Variants in TMEM132B observed in about 807,000 individuals in gnomAD.
TMEM132B encodes the protein transmembrane protein 132B.
In TMEM132B, 18 loss-of-function variants were observed where a neutral mutation model predicts 90.8. That is an observed-to-expected ratio of 0.20 (90% CI 0.14 to 0.29). TMEM132B has a LOEUF of 0.29. Ranked by LOEUF, TMEM132B falls within the 10% of genes least tolerant of loss-of-function variation. The pLI is 1.00. For missense variants in TMEM132B, 1,096 were observed against 1,326.8 expected, an observed-to-expected ratio of 0.83 and a Z score of 2.70; for synonymous variants, 504 against 523.3, an observed-to-expected ratio of 0.96 and a Z score of 0.50.
chr12:125,290,328 A>G (rs1040639480), intron 1 of TMEM132B, among the ~76,000 whole-genome samples: 3 of 152,212 alleles, frequency 2.0e-5, no homozygotes, highest in South Asian at 2.1e-4. Context: ...GCAAAGAGGC[A>G]CAGAGAATAT....
intron 1 of TMEM132B, among the ~76,000 whole-genome samples, chr12:125,268,119 G>A (rs1874739930): frequency 6.6e-6 from 1 of 152,194 alleles, no homozygotes; most frequent in Non-Finnish European, 1.5e-5. Context: ...AATAAAGGCT[G>A]CTATGCCAAA....
chr12:125,222,211 C>T (rs1258099382), intron 1 of TMEM132B, among the ~76,000 whole-genome samples: 1 of 152,110 alleles, frequency 6.6e-6, no homozygotes, highest in African/African-American at 2.4e-5. Flanking sequence ...GTTTCTCTGC[C>T]TTATTTGCTA....
intron 1 of TMEM132B, among the ~76,000 whole-genome samples, chr12:125,192,205 T>G (rs1420909979): frequency 6.6e-6 from 1 of 152,226 alleles, no homozygotes; most frequent in Admixed American, 6.5e-5. Context: ...TTGTCCCATT[T>G]TACAGATACG....
At chr12:125,320,602 T>C (rs326387) in intron 1 of TMEM132B, among the ~76,000 whole-genome samples, 111,970 of 152,070 alleles carry the variant, frequency 0.74, 42,236 homozygotes, top group African/African-American at 0.89. Flanking sequence ...CTCAGGCCTG[T>C]TTCCATTCCT....
At chr12:125,562,381 T>G (rs1467264221) in intron 4 of TMEM132B, among the ~76,000 whole-genome samples, 3 of 152,256 alleles carry the variant, frequency 2.0e-5, no homozygotes, top group Non-Finnish European at 4.4e-5. Context: ...TTACCATTTG[T>G]GTGTATACTG....
intron 1 of TMEM132B, among the ~76,000 whole-genome samples, chr12:125,293,742 A>G (rs945558628): frequency 6.6e-6 from 1 of 152,192 alleles, no homozygotes. Flanking sequence ...TATTGTGAAT[A>G]GTGCTTATTG....
rs188880303 is a variant in TMEM132B at position 125,451,714 on chromosome 12, C to T, written c.1106+36037C>T. On this transcript the variant is annotated intron_variant, in intron 3 of 8. Transcript: ENST00000682704. ...GTATTTTTCATTATGTGTCAGACATCGTGTTTTCAGAAATGTTTGTGGAAA... is the reference window on the plus strand; with the variant it reads ...GTATTTTTCATTATGTGTCAGACATTGTGTTTTCAGAAATGTTTGTGGAAA... Among the ~76,000 whole-genome samples, 581 of 151,688 alleles carry T rather than the reference C, an allele frequency of 3.8e-3. 4 individuals are homozygous for T. Among genetic ancestry groups the T allele is most frequent in the Middle Eastern group, 6.8e-3 (2 of 292 alleles).
intron 1 of TMEM132B, among the ~76,000 whole-genome samples, chr12:125,243,400 G>A (rs1874134533): frequency 6.6e-6 from 1 of 150,692 alleles, no homozygotes; most frequent in Non-Finnish European, 1.5e-5. Flanking sequence ...TCTGCCTCCC[G>A]GGTTCCAGCA....
intron 2 of TMEM132B, among the ~76,000 whole-genome samples, chr12:125,373,671 A>G (rs1314063671): frequency 1.3e-5 from 2 of 152,250 alleles, no homozygotes; most frequent in African/African-American, 4.8e-5. Flanking sequence ...AAGAGCCTTT[A>G]AAGCCATCAG....
At chr12:125,413,261 AT>A (rs1879908885) in intron 2 of TMEM132B, among the ~76,000 whole-genome samples, 2 of 151,330 alleles carry the variant, frequency 1.3e-5, no homozygotes, top group Non-Finnish European at 2.9e-5. Flanking sequence ...GATACATTCT[AT>A]TTTTTTAAAG....
chr12:125,615,415 C>A (rs1182673803), intron 5 of TMEM132B, among the ~76,000 whole-genome samples: 1 of 151,604 alleles, frequency 6.6e-6, no homozygotes, highest in Non-Finnish European at 1.5e-5. Context: ...TCTTTTTTCT[C>A]CTTTGTTCCT....
At chr12:125,606,724 GCCT>G (rs1334699179) in intron 5 of TMEM132B, among the ~76,000 whole-genome samples, 1 of 152,174 alleles carries the variant, frequency 6.6e-6, no homozygotes, top group Admixed American at 6.5e-5. Context: ...TTGACCTCCT[GCCT>G]CCTCCTCAGG....
At chr12:125,494,802 C>G (rs1055254177) in intron 3 of TMEM132B, among the ~76,000 whole-genome samples, 1 of 79,180 alleles carries the variant, frequency 1.3e-5, no homozygotes, top group Non-Finnish European at 2.5e-5. Flanking sequence ...CCCCCTCCTC[C>G]CTGGAAATGG....
intron 5 of TMEM132B, among the ~76,000 whole-genome samples, chr12:125,602,932 A>G (rs1475191609): frequency 6.6e-6 from 1 of 152,204 alleles, no homozygotes; most frequent in East Asian, 1.9e-4. Flanking sequence ...TTCAAGGAGA[A>G]CTACAAACCA....
chr12:125,432,425 ATGTG>A (rs770936314), intron 3 of TMEM132B, among the ~76,000 whole-genome samples: 1,792 of 69,798 alleles, frequency 0.026, 614 homozygotes, highest in Middle Eastern at 0.063. Context: ...ATATATATGT[ATGTG>A]TATATATATG....
intron 2 of TMEM132B, among the ~76,000 whole-genome samples, chr12:125,376,278 C>CA (rs1228912260): frequency 6.6e-6 from 1 of 151,570 alleles, no homozygotes; most frequent in Non-Finnish European, 1.5e-5. Flanking sequence ...ATTGATATTG[C>CA]TTTTTTTTTC....
At chr12:125,494,255 C>T (rs1233444037) in intron 3 of TMEM132B, among the ~76,000 whole-genome samples, 21 of 140,794 alleles carry the variant, frequency 1.5e-4, no homozygotes, top group Non-Finnish European at 2.8e-4. Context: ...TCCCTCTTCC[C>T]CCTCCTCCCT....
intron 1 of TMEM132B, among the ~76,000 whole-genome samples, chr12:125,335,073 C>G (rs1417908972): frequency 6.6e-6 from 1 of 152,112 alleles, no homozygotes; most frequent in South Asian, 2.1e-4. Flanking sequence ...TATTTTAGGC[C>G]CTGGGTTCAG....
chr12:125,508,560 TGCATATG>T (rs1296974166), intron 3 of TMEM132B, among the ~76,000 whole-genome samples: 1 of 152,100 alleles, frequency 6.6e-6, no homozygotes, highest in Non-Finnish European at 1.5e-5. Context: ...CTAACCAGCG[TGCATATG>T]GCATGACTCC....
Sources: gnomAD v4.1 joint callset for allele counts (sites outside exome capture counted in the v4.1 genomes callset) on GRCh38, gnomAD v4.1.1 for gene constraint, MANE v1.5 for transcripts, NCBI Gene and HGNC (gene_info 2026-07-23, HGNC 2026-07-21) for gene names.